The following DCDC1 variants were observed in gnomAD, a reference collection of about 807,000 sequenced individuals.
DCDC1 encodes doublecortin domain-containing protein 1.
A neutral mutation model predicts 178.3 loss-of-function variants in DCDC1; 200 were observed. The ratio of observed to expected loss-of-function variants is 1.12; its 90% confidence interval spans 1.00 to 1.26. The LOEUF (loss-of-function observed/expected upper bound fraction) is 1.26, where lower values mean the gene tolerates loss of function less well. Among genes scored for constraint, DCDC1 ranks in the 50% most tolerant of loss-of-function variants. The pLI is 0.00. For missense variants in DCDC1, 1,983 were observed against 1,749.2 expected (o/e 1.13, Z -2.38); for synonymous variants, 690 against 604.8 (o/e 1.14, Z -2.07).
At chr11:31,044,376 C>G (rs967577184) in intron 20 of DCDC1, among the ~76,000 whole-genome samples, 2 of 150,188 alleles carry the variant, frequency 1.3e-5, no homozygotes, top group African/African-American at 4.9e-5. Context: ...GCTCAGGAGG[C>G]TGAGGCAGGA....
chr11:31,264,728 A>G (rs910739764), intron 8 of DCDC1, among the ~76,000 whole-genome samples: 9 of 152,174 alleles, frequency 5.9e-5, no homozygotes, highest in African/African-American at 1.7e-4. Flanking sequence ...GAATTTCTCT[A>G]TTGTCAAATT....
Position 31,307,660 on chromosome 11 carries a change from C to G in DCDC1, c.413G>C (p.Ser138Thr). 4 of 1,614,044 alleles carry G rather than the reference C, an allele frequency of 2.5e-6. No homozygotes were observed. The highest frequency in any genetic ancestry group is 3.4e-6 in the Non-Finnish European group (4 of 1,179,940). ...ISASKRNRPV[S>T]APVGQLRVAE... ...TTACCTCAGTTGACCCACTGGAGCA[C>G]TGACAGGTCTGTTTCTCTTGGATGC... Residue 138 changes from serine (S) to threonine (T), a missense_variant, in exon 4 of 39, where the codon AGT (serine) becomes ACT (threonine). Coordinates refer to ENST00000684477, the MANE Select transcript of DCDC1 (RefSeq NM_001387274.1).
At chr11:30,974,862 C>A (rs1328092006) in intron 20 of DCDC1, among the ~76,000 whole-genome samples, 1 of 152,088 alleles carries the variant, frequency 6.6e-6, no homozygotes, top group Admixed American at 6.6e-5. Flanking sequence ...CTCTCTCTAG[C>A]TCATTCTATA....
At chr11:31,183,519 T>G (rs1159100976) in intron 9 of DCDC1, among the ~76,000 whole-genome samples, 1 of 152,106 alleles carries the variant, frequency 6.6e-6, no homozygotes, top group African/African-American at 2.4e-5. Flanking sequence ...ATGACATGAT[T>G]GTATATTTAG....
intron 11 of DCDC1, among the ~76,000 whole-genome samples, 197 bp downstream of exon 11, chr11:31,127,272 C>T (rs1565319166): frequency 2.0e-5 from 3 of 152,166 alleles, no homozygotes; most frequent in Non-Finnish European, 4.4e-5. Context: ...TATAAATACA[C>T]ATTTCAAAGA....
At chr11:31,346,378 T>C (rs995459606) in intron 1 of DCDC1, among the ~76,000 whole-genome samples, 1 of 149,316 alleles carries the variant, frequency 6.7e-6, no homozygotes, top group African/African-American at 2.5e-5. Context: ...GCAGGAGAAT[T>C]GCTTGAACCC....
intron 7 of DCDC1, among the ~76,000 whole-genome samples, chr11:31,279,972 A>G (rs767768117): frequency 2.0e-5 from 3 of 152,144 alleles, no homozygotes; most frequent in Non-Finnish European, 2.9e-5. Flanking sequence ...TCAAACATTA[A>G]ATCAATTTTG....
In DCDC1 at chr11:30,987,874, C is replaced by T. The variant is rs546194475; in HGVS notation, c.2592-35306G>A. Among the ~76,000 whole-genome samples the T allele has an allele frequency of 9.2e-5, 14 of 152,300 alleles. No homozygotes were observed. In the South Asian group the frequency reaches 2.7e-3, roughly 29 times the overall value. ...ATTTTATGTGTGGCTCAAGACAATT[C>T]TTCTTCCTCCAGTGCAGCCCAGGGA... is the stretch of plus-strand genomic sequence containing the variant. On this transcript the variant is annotated intron_variant, in intron 20 of 38. Transcript: ENST00000684477.
chr11:30,871,750 G>T (rs1941588222), intron 38 of DCDC1, among the ~76,000 whole-genome samples: 1 of 151,876 alleles, frequency 6.6e-6, no homozygotes, highest in Admixed American at 6.6e-5. Context: ...CAATATCTGG[G>T]TCCTAGTTAT....
chr11:31,137,339 T>G (rs1308753049), intron 10 of DCDC1, among the ~76,000 whole-genome samples: 1 of 149,306 alleles, frequency 6.7e-6, no homozygotes, highest in Non-Finnish European at 1.5e-5. Context: ...CATTTTAAAA[T>G]TAGTGTTCAT....
intron 20 of DCDC1, among the ~76,000 whole-genome samples, chr11:31,009,853 A>C (rs922052158): frequency 6.6e-6 from 1 of 152,180 alleles, no homozygotes; most frequent in African/African-American, 2.4e-5. Flanking sequence ...ACTTACAGTC[A>C]TGGCAAAAGG....
At chr11:31,222,739 T>C (rs1426529165) in intron 9 of DCDC1, among the ~76,000 whole-genome samples, 2 of 152,150 alleles carry the variant, frequency 1.3e-5, no homozygotes, top group Non-Finnish European at 1.5e-5. Flanking sequence ...TGTTCTCATA[T>C]GGCAGAGAGA....
chr11:31,144,824 T>A (rs564689808), intron 9 of DCDC1, among the ~76,000 whole-genome samples: 98 of 152,292 alleles, frequency 6.4e-4, no homozygotes, highest in African/African-American at 2.3e-3. Context: ...ATTAACTTAT[T>A]GTCACATTGC....
At chr11:30,995,288 A>G (rs960474391) in intron 20 of DCDC1, among the ~76,000 whole-genome samples, 1 of 152,188 alleles carries the variant, frequency 6.6e-6, no homozygotes, top group Non-Finnish European at 1.5e-5. Flanking sequence ...CACCATATTC[A>G]TGAACTGGAA....
chr11:31,305,543 A>G (rs1318639186), intron 6 of DCDC1, 72 bp downstream of exon 6: 2 of 1,532,832 alleles, frequency 1.3e-6, no homozygotes, highest in Non-Finnish European at 8.8e-7. Flanking sequence ...CAGGATGAAA[A>G]TCATTTTTTA....
intron 6 of DCDC1, among the ~76,000 whole-genome samples, chr11:31,304,941 A>T (rs146532467): frequency 3.0e-4 from 45 of 152,240 alleles, no homozygotes; most frequent in African/African-American, 1.0e-3. Flanking sequence ...TTCTCCCTTA[A>T]AATGTATTCT....
chr11:30,885,553 C>A (rs1234195779), intron 36 of DCDC1, among the ~76,000 whole-genome samples: 1 of 151,720 alleles, frequency 6.6e-6, no homozygotes, highest in African/African-American at 2.4e-5. Context: ...CAGAGATAAC[C>A]AATAAGTGAT....
chr11:31,094,116 T>C lies in DCDC1; in HGVS notation c.2052A>G (p.Ala684=), dbSNP rs371110864. 4.6e-4 allele frequency: 355 copies of C among 766,226 alleles called. No homozygotes were observed. Among genetic ancestry groups the C allele is most frequent in the Non-Finnish European group, 4.5e-4 (186 of 417,804 alleles). 47.5% of individuals were successfully genotyped at this position (766,226 alleles called of 1,614,324 possible). A position where few individuals can be genotyped will look rare whatever the true frequency, so the allele number is the denominator to read the frequency against. ...IGKWSFSGSE[A]SSRSQIAPSI... Reference sequence around the variant, plus strand: ...ATGGCGCTATTTGACTCCTGCTGCTTGCTTCACTGCCTGAGAAACTCCACT... The same window carrying C: ...ATGGCGCTATTTGACTCCTGCTGCTCGCTTCACTGCCTGAGAAACTCCACT... The change falls in exon 16 of 39, where the codon GCA becomes GCG. Residue 684 remains alanine, a synonymous_variant. Transcript: ENST00000684477.
At chr11:31,233,107 T>A in intron 9 of DCDC1, among the ~76,000 whole-genome samples, 1 of 151,872 alleles carries the variant, frequency 6.6e-6, no homozygotes, top group African/African-American at 2.4e-5. Flanking sequence ...AAAAAGAGTC[T>A]TATATACCTT....
Sources: allele counts gnomAD v4.1 joint callset (sites outside exome capture counted in the v4.1 genomes callset), GRCh38; gene constraint gnomAD v4.1.1; transcripts MANE v1.5; gene names NCBI Gene and HGNC (gene_info 2026-07-23, HGNC 2026-07-21).